CSMD1: variants seen among roughly 807,000 people sequenced by gnomAD.
CSMD1 encodes the protein CUB and sushi domain-containing protein 1.
In CSMD1, 213 loss-of-function variants were observed where a neutral mutation model predicts 417.5. The ratio of observed to expected loss-of-function variants is 0.51; its 90% CI spans 0.46 to 0.57. The LOEUF is 0.57. Among genes scored for constraint, CSMD1 ranks in the 20% least tolerant of loss-of-function variants. The pLI is 0.00. For missense variants in CSMD1, 6,923 were observed against 4,529.7 expected, an observed-to-expected ratio of 1.53 and a Z score of -15.17; for synonymous variants, 2,862 against 1,736.8, an observed-to-expected ratio of 1.65 and a Z score of -16.11.
intron 26 of CSMD1, among the ~76,000 whole-genome samples, chr8:3,248,203 A>T (rs1416305281): frequency 6.6e-6 from 1 of 152,148 alleles, no homozygotes; most frequent in Non-Finnish European, 1.5e-5. Flanking sequence ...AAAACAGGAG[A>T]AGATTTTCAT....
intron 25 of CSMD1, among the ~76,000 whole-genome samples, chr8:3,302,097 C>T (rs560589838): frequency 6.6e-6 from 1 of 152,180 alleles, no homozygotes; most frequent in South Asian, 2.1e-4. Flanking sequence ...AGACTAAAGT[C>T]TCCCGCCCCT....
At chr8:3,919,542 T>C (rs1196804788) in intron 5 of CSMD1, among the ~76,000 whole-genome samples, 11 of 152,154 alleles carry the variant, frequency 7.2e-5, no homozygotes, top group Admixed American at 7.2e-4. Flanking sequence ...TGAAGATTGG[T>C]AATATAATTT....
intron 37 of CSMD1, among the ~76,000 whole-genome samples, chr8:3,179,569 A>T (rs24886): frequency 1.5e-4 from 23 of 151,912 alleles, no homozygotes; most frequent in African/African-American, 5.6e-4. Context: ...TGCATATCTC[A>T]CTGTATATAA....
intron 3 of CSMD1, among the ~76,000 whole-genome samples, chr8:4,416,967 T>A (rs1796976214): frequency 6.6e-6 from 1 of 151,810 alleles, no homozygotes; most frequent in Non-Finnish European, 1.5e-5. Context: ...CTGTTATTAA[T>A]TTGTCAAAGA....
At chr8:3,346,013 C>T (rs1311543650) in intron 22 of CSMD1, among the ~76,000 whole-genome samples, 2 of 151,992 alleles carry the variant, frequency 1.3e-5, no homozygotes, top group African/African-American at 2.4e-5. Flanking sequence ...AAATTTTAGT[C>T]TTTATTATTA....
chr8:4,759,689 C>T (rs1811910278), intron 1 of CSMD1, among the ~76,000 whole-genome samples: 2 of 152,136 alleles, frequency 1.3e-5, no homozygotes, highest in Admixed American at 6.6e-5. Flanking sequence ...GCTGCATTAG[C>T]TTGCTGAGAA....
At chr8:4,271,207 T>C (rs1804572234) in intron 3 of CSMD1, among the ~76,000 whole-genome samples, 1 of 152,130 alleles carries the variant, frequency 6.6e-6, no homozygotes, top group South Asian at 2.1e-4. Flanking sequence ...TAAACATATA[T>C]ATACTTGCAA....
chr8:4,369,299 T>C (rs1802268291), intron 3 of CSMD1, among the ~76,000 whole-genome samples: 1 of 152,178 alleles, frequency 6.6e-6, no homozygotes. Context: ...TGTGCTGTTT[T>C]ATTTGTGGTT....
At chr8:3,883,608 G>A (rs993146543) in intron 5 of CSMD1, among the ~76,000 whole-genome samples, 2 of 152,036 alleles carry the variant, frequency 1.3e-5, no homozygotes, top group African/African-American at 2.4e-5. Flanking sequence ...TTATTTATTT[G>A]ATATCAATTA....
rs371887142 is a variant in CSMD1 at position 3,827,557 on chromosome 8, C to G, written c.819-73515G>C. 3.3e-5 allele frequency among the ~76,000 whole-genome samples: 5 copies of G among 152,158 alleles called. No homozygotes were observed. In the East Asian group the frequency reaches 9.6e-4, roughly 29 times the overall value. Reference sequence around the variant, plus strand: ...TGTCATATTCCTGAAATGTTTTCTGCTAGATCAAAGCCCAAGACAAAATTT... The same window carrying G: ...TGTCATATTCCTGAAATGTTTTCTGGTAGATCAAAGCCCAAGACAAAATTT... On this transcript the variant is annotated intron_variant, in intron 5 of 69. Coordinates refer to ENST00000635120, the MANE Select transcript of CSMD1 (RefSeq NM_033225.6).
intron 3 of CSMD1, among the ~76,000 whole-genome samples, chr8:4,144,271 C>A (rs1225803386): frequency 2.0e-5 from 3 of 151,090 alleles, no homozygotes; most frequent in East Asian, 1.9e-4. Context: ...CCTTATTCTG[C>A]CTCACACTCA....
At chr8:3,274,283 G>A (rs1202599172) in intron 26 of CSMD1, among the ~76,000 whole-genome samples, 1 of 152,050 alleles carries the variant, frequency 6.6e-6, no homozygotes, top group Admixed American at 6.6e-5. Flanking sequence ...TTGCACTGTG[G>A]TCTGAGAGAC....
At chr8:4,367,903 T>C (rs115838532) in intron 3 of CSMD1, among the ~76,000 whole-genome samples, 3,126 of 152,310 alleles carry the variant, frequency 0.021, 119 homozygotes, top group African/African-American at 0.071. Flanking sequence ...CATTATTTTG[T>C]ATCCTGAAAC....
chr8:4,442,075 G>C (rs2129700576), intron 2 of CSMD1, among the ~76,000 whole-genome samples: 1 of 152,230 alleles, frequency 6.6e-6, no homozygotes, highest in African/African-American at 2.4e-5. Context: ...ACTGCTCAGA[G>C]TTTGAGTTGT....
At chr8:4,099,063 T>TC (rs1801168459) in intron 3 of CSMD1, among the ~76,000 whole-genome samples, 1 of 152,166 alleles carries the variant, frequency 6.6e-6, no homozygotes, top group African/African-American at 2.4e-5. Context: ...TCTGTTTTTT[T>TC]CTTCTTCATT....
intron 3 of CSMD1, among the ~76,000 whole-genome samples, chr8:4,356,790 G>C (rs933292295): frequency 1.1e-4 from 16 of 152,106 alleles, no homozygotes; most frequent in Non-Finnish European, 2.1e-4. Flanking sequence ...AAGCAGTCTT[G>C]CAGGCCCAGC....
intron 1 of CSMD1, among the ~76,000 whole-genome samples, chr8:4,820,913 T>C (rs771125350): frequency 2.6e-4 from 39 of 152,208 alleles, no homozygotes; most frequent in Non-Finnish European, 1.8e-4. Context: ...AACTTGCAGA[T>C]GTGTATATCT....
chr8:4,788,578 TA>T, intron 1 of CSMD1: 1 of 1,310,454 alleles, frequency 7.6e-7, no homozygotes, highest in Non-Finnish European at 1.0e-6. Flanking sequence ...TCAGAGAATG[TA>T]ATTTATAAGA....
chr8:4,218,847 A>G (rs1800850349), intron 3 of CSMD1, among the ~76,000 whole-genome samples: 2 of 152,100 alleles, frequency 1.3e-5, no homozygotes, highest in African/African-American at 4.8e-5. Context: ...TTTCCCCTAT[A>G]CTTTTCCTGA....
Sources: gnomAD v4.1 joint callset for allele counts (sites outside exome capture counted in the v4.1 genomes callset) on GRCh38, gnomAD v4.1.1 for gene constraint, MANE v1.5 for transcripts, NCBI Gene and HGNC (gene_info 2026-07-23, HGNC 2026-07-21) for gene names.